CAPN9: variants seen among roughly 807,000 people sequenced by gnomAD.
CAPN9 encodes the protein calpain-9.
Under a neutral mutation model 92.8 loss-of-function variants are expected in CAPN9, and 81 were observed. That is an observed-to-expected ratio of 0.87 (90% confidence interval 0.73 to 1.05). CAPN9 has a LOEUF of 1.05. Ranked by LOEUF, CAPN9 falls within the 50% of genes least tolerant of loss-of-function variation. The pLI, the probability that CAPN9 is intolerant of heterozygous loss-of-function variation, is 0.00. For missense variants in CAPN9, 848 were observed against 866.2 expected (o/e 0.98, Z 0.26); for synonymous variants, 304 against 328.0 (o/e 0.93, Z 0.79).
intron 12 of CAPN9, among the ~76,000 whole-genome samples, chr1:230,787,275 C>A (rs1184202951): frequency 6.6e-6 from 1 of 152,166 alleles, no homozygotes; most frequent in African/African-American, 2.4e-5. Flanking sequence ...GGTCAAGGTC[C>A]TTTGGCCTCC....
intron 1 of CAPN9, among the ~76,000 whole-genome samples, chr1:230,750,296 C>A (rs375951647): frequency 5.3e-5 from 8 of 152,338 alleles, no homozygotes; most frequent in African/African-American, 1.7e-4. Flanking sequence ...CTTTATTGAT[C>A]TTAACCCAGG....
chr1:230,801,868 A>C lies in CAPN9; in HGVS notation c.*272A>C. On this transcript the variant is annotated 3_prime_UTR_variant, in exon 20 of 20. Transcript: ENST00000271971. ...GTTCAGGCATCACTAGCTTTCCCAC[A>C]CTCTACTTTCCTTATTTCCTTCCAT... The C allele has an allele frequency of 1.9e-6, 1 of 513,790 alleles. No individual in the cohort carries two copies. The highest frequency in any genetic ancestry group is 1.9e-5 in the African/African-American group (1 of 52,926). 31.8% of individuals were successfully genotyped at this position (513,790 alleles called of 1,614,324 possible).
At chr1:230,748,350 G>A (rs1327710432) in intron 1 of CAPN9, among the ~76,000 whole-genome samples, 2 of 152,192 alleles carry the variant, frequency 1.3e-5, no homozygotes, top group African/African-American at 4.8e-5. Flanking sequence ...AATATTTGCG[G>A]TGCTGGATTA....
intron 3 of CAPN9, among the ~76,000 whole-genome samples, chr1:230,760,531 T>C (rs1294899553): frequency 6.6e-6 from 1 of 152,312 alleles, no homozygotes; most frequent in African/African-American, 2.4e-5. Flanking sequence ...TCAAGCCCTG[T>C]CACCAATAGC....
intron 1 of CAPN9, among the ~76,000 whole-genome samples, chr1:230,752,985 G>A (rs1664946140): frequency 6.6e-6 from 1 of 152,146 alleles, no homozygotes; most frequent in African/African-American, 2.4e-5. Flanking sequence ...GGTTTGCATT[G>A]TCCTTCTGGG....
intron 8 of CAPN9, among the ~76,000 whole-genome samples, chr1:230,777,578 T>A (rs1274882920): frequency 1.3e-5 from 2 of 151,758 alleles, no homozygotes; most frequent in Non-Finnish European, 2.9e-5. Context: ...CTTGACCCAC[T>A]CAAGTGACCA....
At chr1:230,784,716 G>A (rs1220118109) in intron 11 of CAPN9, among the ~76,000 whole-genome samples, 1 of 152,278 alleles carries the variant, frequency 6.6e-6, no homozygotes, top group African/African-American at 2.4e-5. Context: ...AAAGCTTGCT[G>A]CAGGGACAGA....
In CAPN9 at chr1:230,755,377, C is replaced by G. The variant is rs772623558; in HGVS notation, c.254C>G (p.Thr85Ser). The change falls in exon 2 of 20, where the codon ACC becomes AGC. Residue 85 changes from threonine to serine, a missense_variant. Coordinates refer to ENST00000271971, the MANE Select transcript of CAPN9 (RefSeq NM_006615.3). ...KNPEFILGGA[T>S]RTDICQGELG... ...CCAGAATTCATTCTTGGAGGGGCCACCAGGACTGATATCTGCCAGGGAGAG... is the reference window on the plus strand; with the variant it reads ...CCAGAATTCATTCTTGGAGGGGCCAGCAGGACTGATATCTGCCAGGGAGAG... The G allele has an allele frequency of 5.5e-5, 88 of 1,609,252 alleles. No individual in the cohort carries two copies. Among genetic ancestry groups the G allele is most frequent in the Non-Finnish European group, 7.4e-5 (87 of 1,178,032 alleles).
In CAPN9 at chr1:230,747,423, G is replaced by A. The variant is rs561531116; in HGVS notation, c.-74G>A. On this transcript the variant is annotated 5_prime_UTR_variant, in exon 1 of 20. Coordinates refer to ENST00000271971, the MANE Select transcript of CAPN9 (RefSeq NM_006615.3). ...CCCTCTGAGCTGTTCCTTCTTGACC[G>A]GCACACACAGCTCGCTTCTTCACTT... The A allele has an allele frequency of 8.5e-5, 112 of 1,322,668 alleles. No homozygotes were observed. The highest frequency in any genetic ancestry group is 2.6e-4 in the South Asian group (22 of 84,572). 81.9% of individuals were successfully genotyped at this position (1,322,668 alleles called of 1,614,324 possible).
chr1:230,788,501 C>T (rs1000152877), intron 13 of CAPN9, among the ~76,000 whole-genome samples: 1 of 152,130 alleles, frequency 6.6e-6, no homozygotes, highest in Non-Finnish European at 1.5e-5. Context: ...GTGCTAATGA[C>T]TCTATTAGCT....
chr1:230,768,936 A>G (rs1328696917), intron 5 of CAPN9, among the ~76,000 whole-genome samples: 1 of 152,228 alleles, frequency 6.6e-6, no homozygotes, highest in Non-Finnish European at 1.5e-5. Context: ...AAAATAGTGA[A>G]CTGTTCTTTG....
At chr1:230,783,113 C>G (rs958763658) in intron 11 of CAPN9, among the ~76,000 whole-genome samples, 3 of 152,186 alleles carry the variant, frequency 2.0e-5, no homozygotes, top group Non-Finnish European at 4.4e-5. Context: ...TGAATGGTCT[C>G]CAACAGATAT....
chr1:230,760,093 G>A (rs1410804655), intron 3 of CAPN9, among the ~76,000 whole-genome samples: 1 of 152,098 alleles, frequency 6.6e-6, no homozygotes, highest in Non-Finnish European at 1.5e-5. Context: ...AGTCCCGTGT[G>A]ACCCGCAGAC....
intron 9 of CAPN9, 87 bp from the exon 10 acceptor site, chr1:230,780,092 G>A (rs1286687967): frequency 3.1e-6 from 2 of 634,952 alleles, no homozygotes; most frequent in Non-Finnish European, 2.5e-6. Flanking sequence ...GTGTGTGTGT[G>A]TGTGTGTGTG....
intron 6 of CAPN9, among the ~76,000 whole-genome samples, chr1:230,770,199 G>A (rs1027766572): frequency 6.6e-6 from 1 of 152,188 alleles, no homozygotes; most frequent in Non-Finnish European, 1.5e-5. Context: ...AAAGCCAGTG[G>A]TGTAGTTCTG....
At chr1:230,772,569 A>G (rs1274110704) in intron 7 of CAPN9, among the ~76,000 whole-genome samples, 1 of 152,136 alleles carries the variant, frequency 6.6e-6, no homozygotes, top group Non-Finnish European at 1.5e-5. Flanking sequence ...CAGAGGCCCA[A>G]TAGCCCAGCA....
chr1:230,765,076 G>C (rs1258105098), intron 4 of CAPN9, among the ~76,000 whole-genome samples: 7 of 152,052 alleles, frequency 4.6e-5, no homozygotes, highest in Admixed American at 4.6e-4. Flanking sequence ...AGGAACTGGG[G>C]CTTCTTGGAG....
Position 230,780,805 on chromosome 1 carries a change from C to G in CAPN9, c.1481+97C>G, listed in dbSNP as rs953231551. The G allele has an allele frequency of 1.7e-5, 15 of 907,782 alleles. No individual in the cohort carries two copies. The South Asian group carries it at 2.0e-4, about 12-fold the overall frequency. 56.2% of individuals were successfully genotyped at this position (907,782 alleles called of 1,614,324 possible). ...CTGCTGGAGCCAAGACTCCATTCTTCCCTTTCCCATGTGTACCTGAGAAAC... is the reference window on the plus strand; with the variant it reads ...CTGCTGGAGCCAAGACTCCATTCTTGCCTTTCCCATGTGTACCTGAGAAAC... On this transcript the variant is annotated intron_variant, in intron 11 of 19. Coordinates refer to ENST00000271971, the MANE Select transcript of CAPN9 (RefSeq NM_006615.3).
chr1:230,754,346 A>G (rs1406579950), intron 1 of CAPN9, among the ~76,000 whole-genome samples: 1 of 152,122 alleles, frequency 6.6e-6, no homozygotes, highest in Non-Finnish European at 1.5e-5. Flanking sequence ...ATATGTATAT[A>G]TTAATATGTA....
Sources: allele counts gnomAD v4.1 joint callset (sites outside exome capture counted in the v4.1 genomes callset), GRCh38; gene constraint gnomAD v4.1.1; transcripts MANE v1.5; gene names NCBI Gene and HGNC (gene_info 2026-07-23, HGNC 2026-07-21).